The following MAN1A2 variants were observed in gnomAD, a reference collection of about 807,000 sequenced individuals.
The protein encoded by MAN1A2 is mannosyl-oligosaccharide 1,2-alpha-mannosidase IB.
In MAN1A2, 26 loss-of-function variants were observed where a neutral mutation model predicts 75.7. That is an observed-to-expected ratio of 0.34 (90% confidence interval 0.25 to 0.48). MAN1A2 has a LOEUF of 0.48. Among genes scored for constraint, MAN1A2 ranks in the 20% least tolerant of loss-of-function variants. The pLI, the probability that MAN1A2 is intolerant of heterozygous loss-of-function variation, is 0.99. For synonymous variants in MAN1A2, 247 were observed against 264.6 expected (o/e 0.93, Z 0.65); for missense variants, 562 against 775.5 (o/e 0.72, Z 3.27).
At chr1:117,468,292 G>A (rs943361568) in intron 8 of MAN1A2, among the ~76,000 whole-genome samples, 3 of 152,104 alleles carry the variant, frequency 2.0e-5, no homozygotes, top group Non-Finnish European at 2.9e-5. Context: ...AGAACAGCAT[G>A]GGGGTAACAT....
intron 1 of MAN1A2, among the ~76,000 whole-genome samples, chr1:117,371,557 TGGAGGTTGAGG>T (rs1346803456): frequency 2.0e-5 from 3 of 152,056 alleles, no homozygotes; most frequent in African/African-American, 4.8e-5. Flanking sequence ...GAAGTGGAAT[TGGAGGTTGAGG>T]GGAGGTTGAG....
chr1:117,490,337 T>G (rs1650841299), intron 8 of MAN1A2, among the ~76,000 whole-genome samples: 2 of 152,018 alleles, frequency 1.3e-5, no homozygotes, highest in Non-Finnish European at 2.9e-5. Context: ...TTTCAAATTT[T>G]TTCCTTAGTA....
chr1:117,522,982 C>T lies in MAN1A2; in HGVS notation c.*25C>T. ...AAAGCAGTTCCAGAAGGACCATTCT[C>T]ACCTGTGTTTTGTTTACATGGACCA... On this transcript the variant is annotated 3_prime_UTR_variant, in exon 13 of 13. Coordinates refer to ENST00000356554, the MANE Select transcript of MAN1A2 (RefSeq NM_006699.5). 1.2e-6 allele frequency: 2 copies of T among 1,608,734 alleles called. No homozygotes were observed. Among genetic ancestry groups the T allele is most frequent in the Non-Finnish European group, 1.7e-6 (2 of 1,177,826 alleles).
intron 5 of MAN1A2, among the ~76,000 whole-genome samples, chr1:117,441,911 C>T (rs1403265028): frequency 6.6e-6 from 1 of 152,066 alleles, no homozygotes; most frequent in Non-Finnish European, 1.5e-5. Context: ...ACCTGTTTAC[C>T]TTGGATGAAA....
Position 117,496,845 on chromosome 1 carries a change from A to G in MAN1A2, c.1367A>G (p.Lys456Arg). The G allele has an allele frequency of 6.2e-7, 1 of 1,612,740 alleles. No individual in the cohort carries two copies. The highest frequency in any genetic ancestry group is 8.5e-7 in the Non-Finnish European group (1 of 1,179,216). ...GEWKNGHLEK[K>R]MGHLACFAGG... Reference sequence around the variant, plus strand: ...TGGAAGAATGGGCACTTGGAAAAAAAGATGGGGCATTTGGCCTGCTTTGCT... The same window carrying G: ...TGGAAGAATGGGCACTTGGAAAAAAGGATGGGGCATTTGGCCTGCTTTGCT... Residue 456 changes from lysine (K) to arginine (R), a missense_variant, in exon 10 of 13, where the codon AAG becomes AGG. Lys to Arg is a conservative substitution (Grantham distance 26). Transcript: ENST00000356554.
At chr1:117,454,363 G>A (rs1649514502) in intron 6 of MAN1A2, among the ~76,000 whole-genome samples, 1 of 152,048 alleles carries the variant, frequency 6.6e-6, no homozygotes, top group African/African-American at 2.4e-5. Flanking sequence ...ACTAGAAAAA[G>A]AAAAGTTAAA....
chr1:117,518,958 T>C lies in MAN1A2; in HGVS notation c.1794-3867T>C, dbSNP rs531942883. On this transcript the variant is annotated intron_variant, in intron 12 of 12. Transcript: ENST00000356554. ...AGCCATAAAACAAGCCTTAATAAAT[T>C]TAAGAATATTGAAATTCTGTCAAGC... Among the ~76,000 whole-genome samples, 36 of 152,164 alleles carry C rather than the reference T, an allele frequency of 2.4e-4. No homozygotes were observed. In the East Asian group the frequency reaches 6.0e-3, roughly 25 times the overall value.
intron 5 of MAN1A2, among the ~76,000 whole-genome samples, chr1:117,432,283 T>C (rs1400467888): frequency 6.6e-6 from 1 of 151,986 alleles, no homozygotes; most frequent in Non-Finnish European, 1.5e-5. Flanking sequence ...TTATAAGCAG[T>C]TTTTTTGCAA....
chr1:117,383,814 G>A (rs1344608437), intron 1 of MAN1A2, among the ~76,000 whole-genome samples: 4 of 151,966 alleles, frequency 2.6e-5, no homozygotes, highest in Non-Finnish European at 5.9e-5. Context: ...GTTATTCACA[G>A]GTGTGATCAT....
chr1:117,384,403 GATTTTTC>G (rs1273515899), intron 1 of MAN1A2, among the ~76,000 whole-genome samples: 1 of 152,044 alleles, frequency 6.6e-6, no homozygotes, highest in Admixed American at 6.6e-5. Context: ...ACATATTTAT[GATTTTTC>G]ATTTTCCTTC....
chr1:117,413,062 A>G (rs1045226035), intron 3 of MAN1A2, among the ~76,000 whole-genome samples: 1 of 152,006 alleles, frequency 6.6e-6, no homozygotes, highest in Non-Finnish European at 1.5e-5. Flanking sequence ...AAGAGAATAC[A>G]TATTCAAGAA....
Position 117,400,080 on chromosome 1 carries a change from C to T in MAN1A2, c.303-2106C>T, listed in dbSNP as rs142291231. 3.4e-3 allele frequency among the ~76,000 whole-genome samples: 511 copies of T among 152,120 alleles called. 4 individuals are homozygous for T. Among genetic ancestry groups the T allele is most frequent in the African/African-American group, 0.012 (483 of 41,492 alleles). Reference sequence around the variant, plus strand: ...AGTCAGCACCTATGTGCTGATGATGCCCTTGTCTGCCTGAGTCGCCTGAAC... The same window carrying T: ...AGTCAGCACCTATGTGCTGATGATGTCCTTGTCTGCCTGAGTCGCCTGAAC... On this transcript the variant is annotated intron_variant, in intron 1 of 12. Coordinates refer to ENST00000356554, the MANE Select transcript of MAN1A2 (RefSeq NM_006699.5).
At chr1:117,469,103 G>T (rs559114382) in intron 8 of MAN1A2, among the ~76,000 whole-genome samples, 8 of 152,070 alleles carry the variant, frequency 5.3e-5, no homozygotes, top group Non-Finnish European at 1.2e-4. Context: ...AACCCAGGAG[G>T]TGGAGGTTGC....
intron 6 of MAN1A2, among the ~76,000 whole-genome samples, chr1:117,443,355 G>T (rs2101814663): frequency 6.6e-6 from 1 of 152,264 alleles, no homozygotes; most frequent in Middle Eastern, 3.4e-3. Flanking sequence ...CCTCTTTGGT[G>T]AGGAAAAAGC....
At position 117,502,957 on chromosome 1, in the gene MAN1A2, G is replaced by T; in HGVS notation, c.1780G>T (p.Ala594Ser). The change falls in exon 12 of 13, where the codon GCT (alanine) becomes TCT (serine). Residue 594 changes from alanine to serine, a missense_variant. Ala to Ser is a moderately conservative substitution (Grantham distance 99). Around this residue, in one of 2 missense-constraint regions of MAN1A2, gnomAD observed 434 missense variants for 645.7 expected, o/e 0.67. Coordinates refer to ENST00000356554, the MANE Select transcript of MAN1A2 (RefSeq NM_006699.5). The stretch of plus-strand genomic sequence containing the variant: ...TGATGTACAGCAGAGCTTTTTTCTT[G>T]CTGAAACATTAAAGTAAGTATATAG... Reference protein sequence around the residue: ...HDDVQQSFFLAETLKYLYLLF... With the variant: ...HDDVQQSFFLSETLKYLYLLF... 6.3e-7 allele frequency: 1 copy of T among 1,582,876 alleles called. No homozygotes were observed. The highest frequency in any genetic ancestry group is 1.1e-5 in the South Asian group (1 of 87,574).
chr1:117,396,646 G>C (rs17185254), intron 1 of MAN1A2, among the ~76,000 whole-genome samples: 38,245 of 151,968 alleles, frequency 0.25, 5,592 homozygotes, highest in East Asian at 0.48. Context: ...TAGCAAGAAA[G>C]TTCATAGTGC....
intron 1 of MAN1A2, among the ~76,000 whole-genome samples, chr1:117,399,152 G>C (rs1377546419): frequency 6.6e-6 from 1 of 152,222 alleles, no homozygotes; most frequent in African/African-American, 2.4e-5. Flanking sequence ...GTGAAGCTCT[G>C]TGAGGGGATA....
intron 5 of MAN1A2, among the ~76,000 whole-genome samples, chr1:117,424,409 GA>G (rs1268535481): frequency 1.1e-4 from 16 of 152,134 alleles, no homozygotes; most frequent in Non-Finnish European, 2.2e-4. Context: ...TGTAATCCAA[GA>G]ATGTTTATTA....
intron 1 of MAN1A2, among the ~76,000 whole-genome samples, chr1:117,382,594 A>G (rs1015409686): frequency 3.9e-5 from 6 of 152,152 alleles, no homozygotes; most frequent in Non-Finnish European, 5.9e-5. Flanking sequence ...GCCTTGTAGT[A>G]TAGTTTGAAG....
Sources: gnomAD v4.1 joint callset for allele counts (sites outside exome capture counted in the v4.1 genomes callset) on GRCh38, gnomAD v4.1.1 for gene constraint, gnomAD v4.1.1 regional missense constraint, MANE v1.5 for transcripts, NCBI Gene and HGNC (gene_info 2026-07-23, HGNC 2026-07-21) for gene names.